The following PPIL3 variants were observed in gnomAD, a reference collection of about 807,000 sequenced individuals.
PPIL3 encodes peptidylprolyl isomerase like 3, also known as peptidyl-prolyl cis-trans isomerase-like 3.
Under a neutral mutation model 20.9 loss-of-function variants are expected in PPIL3, and 13 were observed. The observed-to-expected ratio is 0.62, with a 90% CI of 0.40 to 0.99. PPIL3 has a LOEUF of 0.99. Ranked by LOEUF, PPIL3 falls within the 50% of genes least tolerant of loss-of-function variation. The pLI is 0.00. For synonymous variants in PPIL3, 71 were observed against 64.4 expected (o/e 1.10, Z -0.49); for missense variants, 170 against 195.2 (o/e 0.87, Z 0.77).
intron 6 of PPIL3, 21 bp downstream of exon 6, chr2:200,876,898 A>T: frequency 6.6e-7 from 1 of 1,525,590 alleles, no homozygotes; most frequent in Non-Finnish European, 9.1e-7. Flanking sequence ...GCTAAAAGAA[A>T]ACCATAACCA....
chr2:200,883,401 T>G (rs541872938), intron 3 of PPIL3, among the ~76,000 whole-genome samples: 7 of 152,192 alleles, frequency 4.6e-5, no homozygotes, highest in African/African-American at 1.2e-4. Context: ...CCTCACCTTC[T>G]TCCTTTCCCA....
chr2:200,881,398 T>C, intron 5 of PPIL3, 23 bp downstream of exon 5: 1 of 1,587,846 alleles, frequency 6.3e-7, no homozygotes. Context: ...GAGAAATAGA[T>C]TTTTAAAGCA....
intron 5 of PPIL3, among the ~76,000 whole-genome samples, chr2:200,878,592 G>A (rs2039605827): frequency 6.6e-6 from 1 of 151,878 alleles, no homozygotes. Flanking sequence ...GGCTCAATAT[G>A]TTGCTCAGGC....
chr2:200,888,996 C>A lies in PPIL3; in HGVS notation c.-111G>T. Reference sequence around the variant, plus strand: ...TCGTCTAGCACAGCCGTTGTTAAAACAGGAAAAATGCAATCGCAGATGCCA... The same window carrying A: ...TCGTCTAGCACAGCCGTTGTTAAAAAAGGAAAAATGCAATCGCAGATGCCA... On this transcript the variant is annotated 5_prime_UTR_variant, in exon 1 of 7. Coordinates refer to ENST00000392283, the MANE Select transcript of PPIL3 (RefSeq NM_130906.3). The A allele has an allele frequency of 2.1e-6, 1 of 471,218 alleles. No individual in the cohort carries two copies. The highest frequency in any genetic ancestry group is 4.4e-6 in the Non-Finnish European group (1 of 227,068). The allele number at this position is 471,218 out of a possible 1,614,324, so 29.2% of individuals were successfully genotyped here.
intron 2 of PPIL3, among the ~76,000 whole-genome samples, chr2:200,886,220 G>C (rs1393914482): frequency 2.0e-5 from 3 of 152,106 alleles, no homozygotes; most frequent in African/African-American, 4.8e-5. Flanking sequence ...CTGAGAAATA[G>C]GGTTAAAAAA....
chr2:200,879,003 T>C (rs979991826), intron 5 of PPIL3, among the ~76,000 whole-genome samples: 3 of 152,220 alleles, frequency 2.0e-5, no homozygotes, highest in African/African-American at 7.2e-5. Context: ...TACATGTCTC[T>C]TGGTGCAAAC....
At chr2:200,873,315 A>G (rs545055465) in intron 6 of PPIL3, among the ~76,000 whole-genome samples, 1 of 151,246 alleles carries the variant, frequency 6.6e-6, no homozygotes, top group East Asian at 1.9e-4. Flanking sequence ...TCAGCCTCCC[A>G]AGCAGCTGGG....
intron 6 of PPIL3, among the ~76,000 whole-genome samples, chr2:200,872,998 A>G (rs2039370521): frequency 6.6e-6 from 1 of 151,852 alleles, no homozygotes; most frequent in Non-Finnish European, 1.5e-5. Flanking sequence ...CAGCCTCCCA[A>G]GTAGCTGGGA....
Position 200,876,816 on chromosome 2 carries a change from C to A in PPIL3, c.359+103G>T. The A allele has an allele frequency of 3.3e-6, 3 of 920,550 alleles. No individual in the cohort carries two copies. The South Asian group carries it at 4.4e-5, about 14-fold the overall frequency. 57.0% of individuals were successfully genotyped at this position (920,550 alleles called of 1,614,324 possible). A position where few individuals can be genotyped will look rare whatever the true frequency, so the allele number is the denominator to read the frequency against. On this transcript the variant is annotated intron_variant, in intron 6 of 6. Transcript: ENST00000392283. ...GGGATTACAGGTGTGAGGCACTGCG[C>A]TCGGCCTCACTCTTTTCAATATTAG...
intron 1 of PPIL3, 145 bp downstream of exon 1, chr2:200,888,811 G>C (rs2040079832): frequency 2.4e-6 from 1 of 410,742 alleles, no homozygotes; most frequent in South Asian, 1.8e-5. Context: ...CGCCGTGCAG[G>C]GTCCTTCTTT....
upstream of PPIL3, chr2:200,889,272 T>G: frequency 3.2e-6 from 1 of 314,946 alleles, no homozygotes; most frequent in East Asian, 8.5e-5. Flanking sequence ...TGCTTTACAC[T>G]CGGCTGCCAA....
At position 200,871,172 on chromosome 2, in the gene PPIL3, T is replaced by C; in HGVS notation, c.*223A>G. 1 of 366,088 alleles carries C rather than the reference T, an allele frequency of 2.7e-6. No individual in the cohort carries two copies. Among genetic ancestry groups the C allele is most frequent in the South Asian group, 8.7e-5 (1 of 11,448 alleles). 22.7% of individuals were successfully genotyped at this position (366,088 alleles called of 1,614,324 possible). On this transcript the variant is annotated 3_prime_UTR_variant, in exon 7 of 7. Coordinates refer to ENST00000392283, the MANE Select transcript of PPIL3 (RefSeq NM_130906.3). Reference sequence around the variant, plus strand: ...CAAAAATTAAATGATGTATTTTTTGTATTAAAATTAAAGAAATATGTTGGA... The same window carrying C: ...CAAAAATTAAATGATGTATTTTTTGCATTAAAATTAAAGAAATATGTTGGA...
At chr2:200,878,265 T>C (rs914010823) in intron 5 of PPIL3, among the ~76,000 whole-genome samples, 2 of 152,146 alleles carry the variant, frequency 1.3e-5, no homozygotes, top group Non-Finnish European at 2.9e-5. Context: ...CATTGAATAA[T>C]GGGAGCTCAA....
Position 200,887,691 on chromosome 2 carries a change from C to T in PPIL3, c.-70-6G>A. On this transcript the variant is annotated splice_polypyrimidine_tract_variant and splice_region_variant and intron_variant, in intron 1 of 6. Coordinates refer to ENST00000392283, the MANE Select transcript of PPIL3 (RefSeq NM_130906.3). ...GCGAGCTCAAAAATAAGTCTCTAGT[C>T]CCAAAAGAAAAAAAGAATTAGGCTC... 8.0e-7 allele frequency: 1 copy of T among 1,248,012 alleles called. No homozygotes were observed. Among genetic ancestry groups the T allele is most frequent in the Non-Finnish European group, 1.1e-6 (1 of 886,522 alleles). The allele number at this position is 1,248,012 out of a possible 1,614,324, so 77.3% of individuals were successfully genotyped here.
intron 5 of PPIL3, among the ~76,000 whole-genome samples, chr2:200,879,355 G>A (rs370577900): frequency 3.9e-5 from 6 of 152,020 alleles, no homozygotes; most frequent in Admixed American, 2.0e-4. Flanking sequence ...TCCTGCCCTC[G>A]TGATCCGCCC....
chr2:200,872,872 C>CT (rs2039363933), intron 6 of PPIL3, among the ~76,000 whole-genome samples: 1 of 142,144 alleles, frequency 7.0e-6, no homozygotes, highest in Non-Finnish European at 1.5e-5. Context: ...CCACTTTGTA[C>CT]TTGTTTTTTT....
chr2:200,886,314 T>C (rs754671470), intron 2 of PPIL3, among the ~76,000 whole-genome samples: 1 of 152,242 alleles, frequency 6.6e-6, no homozygotes, highest in African/African-American at 2.4e-5. Context: ...CAGTGCTTTC[T>C]TGCTTGCTTT....
chr2:200,879,561 G>A (rs1001409875), intron 5 of PPIL3, among the ~76,000 whole-genome samples: 1 of 152,120 alleles, frequency 6.6e-6, no homozygotes, highest in Non-Finnish European at 1.5e-5. Context: ...CCAGCCAAGT[G>A]CAGTGGCTCA....
In PPIL3 at chr2:200,876,902, A is replaced by T. The variant is rs1412392690; in HGVS notation, c.359+17T>A. The T allele has an allele frequency of 3.2e-6, 5 of 1,539,320 alleles. No homozygotes were observed. In the South Asian group the frequency reaches 4.5e-5, roughly 14 times the overall value. ...TGCATTGAAATGCTAAAAGAAAACC[A>T]TAACCAGAATACTCACTTTCCAAAT... On this transcript the variant is annotated intron_variant, in intron 6 of 6. Transcript: ENST00000392283.
Sources: allele counts gnomAD v4.1 joint callset (sites outside exome capture counted in the v4.1 genomes callset), GRCh38; gene constraint gnomAD v4.1.1; transcripts MANE v1.5; gene names NCBI Gene and HGNC (gene_info 2026-07-23, HGNC 2026-07-21).